The following GOPC variants were observed in gnomAD, a reference collection of about 807,000 sequenced individuals.
The protein encoded by GOPC is golgi associated PDZ and coiled-coil motif containing, also known as Golgi-associated PDZ and coiled-coil motif-containing protein.
Under a neutral mutation model 51.2 loss-of-function variants are expected in GOPC, and 32 were observed. The ratio of observed to expected loss-of-function variants is 0.63; its 90% CI spans 0.47 to 0.84. The LOEUF is 0.84. Among genes scored for constraint, GOPC ranks in the 40% least tolerant of loss-of-function variants. The pLI, the probability that GOPC is intolerant of heterozygous loss-of-function variation, is 0.00. For synonymous variants in GOPC, 190 were observed against 205.1 expected, an observed-to-expected ratio of 0.93 and a Z score of 0.63; for missense variants, 441 against 555.5, an observed-to-expected ratio of 0.79 and a Z score of 2.07.
In GOPC at chr6:117,577,546, A is replaced by G. The variant is rs756287025; in HGVS notation, c.451-75T>C. ...GATTTTATTTAGTGGTATAGTCATT[A>G]TAAGGAAAAATCCCACATGTTGGAT... On this transcript the variant is annotated intron_variant, in intron 2 of 8. Coordinates refer to ENST00000368498, the MANE Select transcript of GOPC (RefSeq NM_020399.4). 28 of 1,176,066 alleles carry G rather than the reference A, an allele frequency of 2.4e-5. No individual in the cohort carries two copies. In the East Asian group the frequency reaches 5.6e-4, roughly 24 times the overall value. 72.9% of individuals were successfully genotyped at this position (1,176,066 alleles called of 1,614,324 possible).
chr6:117,592,456 G>A (rs775343007), intron 1 of GOPC, among the ~76,000 whole-genome samples: 5 of 152,280 alleles, frequency 3.3e-5, no homozygotes, highest in South Asian at 2.1e-4. Flanking sequence ...TTGAAATAAG[G>A]TATGACAGGG....
intron 7 of GOPC, among the ~76,000 whole-genome samples, chr6:117,567,926 T>G (rs1583050736): frequency 6.7e-6 from 1 of 150,142 alleles, no homozygotes; most frequent in Admixed American, 6.7e-5. Context: ...CACAGTGGCT[T>G]ACACCTGTAA....
chr6:117,591,481 T>C (rs775521028), intron 1 of GOPC, among the ~76,000 whole-genome samples: 3 of 152,074 alleles, frequency 2.0e-5, no homozygotes, highest in African/African-American at 4.8e-5. Flanking sequence ...AAAGTACAAA[T>C]AAGTTCAAGG....
intron 3 of GOPC, among the ~76,000 whole-genome samples, 162 bp downstream of exon 3, chr6:117,577,286 C>G (rs1779896634): frequency 2.0e-5 from 3 of 151,996 alleles, no homozygotes; most frequent in Admixed American, 6.6e-5. Context: ...GAGAAAAGAG[C>G]AATGGGCCAT....
intron 1 of GOPC, among the ~76,000 whole-genome samples, chr6:117,588,723 T>C (rs1183600364): frequency 6.6e-6 from 1 of 151,604 alleles, no homozygotes; most frequent in African/African-American, 2.4e-5. Flanking sequence ...AATGATGTAA[T>C]AAAGTTTTCT....
chr6:117,575,461 T>G, intron 3 of GOPC, 109 bp from the exon 4 acceptor site: 21 of 843,794 alleles, frequency 2.5e-5, no homozygotes, highest in Non-Finnish European at 4.1e-5. Flanking sequence ...GTATCATCTC[T>G]ATAAAATGGA....
At chr6:117,571,920 T>A (rs1779813442) in intron 5 of GOPC, among the ~76,000 whole-genome samples, 2 of 152,170 alleles carry the variant, frequency 1.3e-5, no homozygotes, top group Admixed American at 6.5e-5. Flanking sequence ...CCTTTAGTGA[T>A]CCTTTTCCTT....
In GOPC at chr6:117,596,650, T is replaced by C. The variant is rs13194974; in HGVS notation, c.285+5354A>G. Among the ~76,000 whole-genome samples the C allele has an allele frequency of 7.4e-3, 1,123 of 152,326 alleles. 5 individuals are homozygous for C. Among genetic ancestry groups the C allele is most frequent in the Non-Finnish European group, 0.01 (693 of 68,018 alleles). ...CCAGCACCATTTGTTGAATAGGGTG[T>C]CCTTTCCTCACTTTATGTTTTTGTT... On this transcript the variant is annotated intron_variant, in intron 1 of 8. Coordinates refer to ENST00000368498, the MANE Select transcript of GOPC (RefSeq NM_020399.4).
Position 117,564,563 on chromosome 6 carries a change from A to C in GOPC, c.1259-1179T>G, listed in dbSNP as rs139332862. ...ACCTATTTAGGTGATATATATATCT[A>C]TAAAGTATAGACGTGTGAAACAATA... On this transcript the variant is annotated intron_variant, in intron 8 of 8. Coordinates refer to ENST00000368498, the MANE Select transcript of GOPC (RefSeq NM_020399.4). Among the ~76,000 whole-genome samples, 342 of 152,354 alleles carry C rather than the reference A, an allele frequency of 2.2e-3. 1 individual carries two copies. Among genetic ancestry groups the C allele is most frequent in the African/African-American group, 7.9e-3 (327 of 41,588 alleles).
chr6:117,560,542 T>C lies in GOPC; in HGVS notation c.*2712A>G, dbSNP rs1779564630. The C allele has an allele frequency of 1.0e-5, 2 of 194,362 alleles. No individual in the cohort carries two copies. The highest frequency in any genetic ancestry group is 1.6e-4 in the East Asian group (2 of 12,346). The allele number at this position is 194,362 out of a possible 1,614,324, so 12.0% of individuals were successfully genotyped here. A position where few individuals can be genotyped will look rare whatever the true frequency, so the allele number is the denominator to read the frequency against. ...TTTCTAAACATGAAAACAGCATAAGTCCACTGCAGTGGGGAAAAAAACAGC... is the reference window on the plus strand; with the variant it reads ...TTTCTAAACATGAAAACAGCATAAGCCCACTGCAGTGGGGAAAAAAACAGC... On this transcript the variant is annotated 3_prime_UTR_variant, in exon 9 of 9. Coordinates refer to ENST00000368498, the MANE Select transcript of GOPC (RefSeq NM_020399.4).
intron 5 of GOPC, among the ~76,000 whole-genome samples, chr6:117,571,486 G>A (rs1016788776): frequency 6.6e-6 from 1 of 152,036 alleles, no homozygotes; most frequent in African/African-American, 2.4e-5. Flanking sequence ...TTCCTACTCA[G>A]CAGATAAATG....
intron 1 of GOPC, among the ~76,000 whole-genome samples, chr6:117,582,362 G>A (rs922262877): frequency 3.3e-5 from 5 of 150,452 alleles, no homozygotes; most frequent in Admixed American, 1.3e-4. Flanking sequence ...GTGTGTCCTC[G>A]GCAAAACCCC....
At chr6:117,592,625 C>A (rs1366716421) in intron 1 of GOPC, among the ~76,000 whole-genome samples, 1 of 152,130 alleles carries the variant, frequency 6.6e-6, no homozygotes, top group Non-Finnish European at 1.5e-5. Flanking sequence ...TGTCTCCTAT[C>A]AGCACACTTT....
chr6:117,587,800 C>T (rs1427670457), intron 1 of GOPC, among the ~76,000 whole-genome samples: 2 of 151,948 alleles, frequency 1.3e-5, no homozygotes, highest in Admixed American at 6.6e-5. Context: ...AATGCAGTGG[C>T]ACCAAGCTCC....
intron 1 of GOPC, among the ~76,000 whole-genome samples, chr6:117,589,426 TCTC>T (rs1203373661): frequency 6.6e-6 from 1 of 152,216 alleles, no homozygotes; most frequent in East Asian, 1.9e-4. Context: ...TTCAAGTGAT[TCTC>T]CTGCCTCAGC....
intron 1 of GOPC, among the ~76,000 whole-genome samples, chr6:117,588,416 C>A (rs1454753760): frequency 2.0e-5 from 3 of 152,010 alleles, no homozygotes; most frequent in African/African-American, 7.3e-5. Flanking sequence ...GCTGGGATTA[C>A]CACTGCCCGC....
rs144769631 is a variant in GOPC at position 117,562,416 on chromosome 6, A to G, written c.*838T>C. The G allele has an allele frequency of 1.5e-3, 294 of 201,224 alleles. 2 individuals carry two copies. In the East Asian group the frequency reaches 0.018, roughly 12 times the overall value. The allele number at this position is 201,224 out of a possible 1,614,324, so 12.5% of individuals were successfully genotyped here. A position where few individuals can be genotyped will look rare whatever the true frequency, so the allele number is the denominator to read the frequency against. ...GACTATCACAAGACAAACTTTATGA[A>G]CAACTCAAAATGTATAAAACTGTCT... On this transcript the variant is annotated 3_prime_UTR_variant, in exon 9 of 9. Transcript: ENST00000368498.
Position 117,563,088 on chromosome 6 carries a change from G to A in GOPC, c.*166C>T, listed in dbSNP as rs1419247444. ...TAATTATGGTCTACCACAGAAAACA[G>A]GGTGTTTTATGCATTGAGAATTGTT... On this transcript the variant is annotated 3_prime_UTR_variant, in exon 9 of 9. Coordinates refer to ENST00000368498, the MANE Select transcript of GOPC (RefSeq NM_020399.4). 1 of 604,044 alleles carries A rather than the reference G, an allele frequency of 1.7e-6. No individual in the cohort carries two copies. The highest frequency in any genetic ancestry group is 2.9e-6 in the Non-Finnish European group (1 of 342,758). The allele number at this position is 604,044 out of a possible 1,614,324, so 37.4% of individuals were successfully genotyped here. A position where few individuals can be genotyped will look rare whatever the true frequency, so the allele number is the denominator to read the frequency against.
intron 1 of GOPC, among the ~76,000 whole-genome samples, chr6:117,596,902 G>GT (rs752886049): frequency 6.6e-6 from 1 of 151,982 alleles, no homozygotes; most frequent in Non-Finnish European, 1.5e-5. Flanking sequence ...TTTTAGGATT[G>GT]TTTTTTCTAG....
Sources: gnomAD v4.1 joint callset for allele counts (sites outside exome capture counted in the v4.1 genomes callset) on GRCh38, gnomAD v4.1.1 for gene constraint, MANE v1.5 for transcripts, NCBI Gene and HGNC (gene_info 2026-07-23, HGNC 2026-07-21) for gene names.